ADCY1: variants seen among roughly 807,000 people sequenced by gnomAD.
ADCY1 encodes adenylate cyclase type 1.
Under a neutral mutation model 105.4 loss-of-function variants are expected in ADCY1, and 28 were observed. The observed-to-expected ratio is 0.27, with a 90% CI of 0.20 to 0.36. ADCY1 has a LOEUF of 0.36. Ranked by LOEUF, ADCY1 falls within the 10% of genes least tolerant of loss-of-function variation. The pLI is 1.00. For synonymous variants in ADCY1, 655 were observed against 623.8 expected (o/e 1.05, Z -0.75); for missense variants, 977 against 1,434.2 (o/e 0.68, Z 5.15).
chr7:45,587,248 G>A (rs1370657624), intron 1 of ADCY1, among the ~76,000 whole-genome samples: 4 of 152,232 alleles, frequency 2.6e-5, no homozygotes, highest in African/African-American at 9.6e-5. Flanking sequence ...GCCCAGAGCT[G>A]TGGCATGGCC....
intron 5 of ADCY1, among the ~76,000 whole-genome samples, chr7:45,649,041 C>T (rs529823788): frequency 6.6e-6 from 1 of 152,152 alleles, no homozygotes; most frequent in African/African-American, 2.4e-5. Context: ...TTTCTTTGTC[C>T]ACAGGAATCC....
rs149920838 is a variant in ADCY1 at position 45,605,883 on chromosome 7, G to A, written c.790-4496G>A. On this transcript the variant is annotated intron_variant, in intron 2 of 19. Transcript: ENST00000297323. ...TCTAGTTCTTGGTATGATGAGTGAT[G>A]GTTCACTGGAACCTAGGCATTTGGA... is the stretch of plus-strand genomic sequence containing the variant. Among the ~76,000 whole-genome samples the A allele has an allele frequency of 3.7e-4, 56 of 152,182 alleles. No homozygotes were observed. The East Asian group carries it at 9.3e-3, about 25-fold the overall frequency.
chr7:45,668,489 A>G (rs1784305774), intron 8 of ADCY1, among the ~76,000 whole-genome samples: 1 of 152,178 alleles, frequency 6.6e-6, no homozygotes, highest in Non-Finnish European at 1.5e-5. Flanking sequence ...CCACTTGATC[A>G]TGGTGGATAA....
intron 2 of ADCY1, among the ~76,000 whole-genome samples, chr7:45,596,486 G>C (rs574280703): frequency 6.6e-6 from 1 of 152,276 alleles, no homozygotes; most frequent in East Asian, 1.9e-4. Context: ...GGTCCTAAGA[G>C]GGGATCTGGG....
rs143386069 is a variant in ADCY1, at chr7:45,577,532, C to T, written c.639+2350C>T. On this transcript the variant is annotated intron_variant, in intron 1 of 19. Coordinates refer to ENST00000297323, the MANE Select transcript of ADCY1 (RefSeq NM_021116.4). ...ACACAGCATTGATGTTTCTGCTGCT[C>T]TTCACTGCTTTACCATCCACTTTCT... Among the ~76,000 whole-genome samples the T allele has an allele frequency of 3.9e-4, 59 of 152,340 alleles. No homozygotes were observed. In the East Asian group the frequency reaches 0.011, roughly 27 times the overall value.
chr7:45,679,566 A>C, intron 10 of ADCY1, 143 bp from the exon 11 acceptor site: 1 of 768,430 alleles, frequency 1.3e-6, no homozygotes, highest in Non-Finnish European at 2.2e-6. Flanking sequence ...CAGAGACCTG[A>C]GTGGCAGGCA....
intron 8 of ADCY1, among the ~76,000 whole-genome samples, chr7:45,666,383 G>A (rs1784256274): frequency 1.3e-5 from 2 of 152,138 alleles, no homozygotes; most frequent in Admixed American, 1.3e-4. Context: ...AGAACATGCG[G>A]TGTTTGGTTT....
intron 5 of ADCY1, among the ~76,000 whole-genome samples, chr7:45,657,093 G>A (rs1052680564): frequency 6.6e-6 from 1 of 152,172 alleles, no homozygotes; most frequent in Non-Finnish European, 1.5e-5. Flanking sequence ...AATACCCCTT[G>A]CCATACTCTG....
chr7:45,709,324 C>G (rs1304045255), intron 18 of ADCY1, among the ~76,000 whole-genome samples: 5 of 152,222 alleles, frequency 3.3e-5, no homozygotes. Flanking sequence ...CTGCTCCTCA[C>G]TTTCCAATGA....
In ADCY1 at chr7:45,574,712, G is replaced by A; in HGVS notation, c.169G>A (p.Glu57Lys). ...ALFRGYTLRL[E>K]QAATLKALAV... ...GTTCCGCGGCTACACGCTGCGGCTG[G>A]AGCAGGCGGCCACGCTGAAGGCGCT... The change falls in exon 1 of 20, where the codon GAG becomes AAG. Residue 57 changes from glutamate (E) to lysine (K), a missense_variant. By Grantham distance (56) the Glu-to-Lys change is moderately conservative. Coordinates refer to ENST00000297323, the MANE Select transcript of ADCY1 (RefSeq NM_021116.4). This position sits in a 1 kb window ranked among gnomAD's most constrained non-coding sequence, Gnocchi z 7.0. The A allele has an allele frequency of 7.1e-7, 1 of 1,409,770 alleles. No individual in the cohort carries two copies. Among genetic ancestry groups the A allele is most frequent in the Non-Finnish European group, 9.2e-7 (1 of 1,088,546 alleles). The allele number at this position is 1,409,770 out of a possible 1,614,324, so 87.3% of individuals were successfully genotyped here. A position where few individuals can be genotyped will look rare whatever the true frequency, so the allele number is the denominator to read the frequency against.
chr7:45,574,533 AT>A lies in ADCY1; in HGVS notation c.-10del. On this transcript the variant is annotated 5_prime_UTR_variant, in exon 1 of 20. An upstream start codon of the reference 5' UTR is lost. Transcript: ENST00000297323. The surrounding 1 kb of genome is among the most constrained non-coding windows in gnomAD (Gnocchi z 7.0). ...GCGCGCCCGCGGCCGCGGCCGCTGCATGGCGCTGAGATGGCGGGGGCGCCGC... is the reference window on the plus strand; with the variant it reads ...GCGCGCCCGCGGCCGCGGCCGCTGCAGGCGCTGAGATGGCGGGGGCGCCGC... 1 of 968,366 alleles carries A rather than the reference AT, an allele frequency of 1.0e-6. No individual in the cohort carries two copies. Among genetic ancestry groups the A allele is most frequent in the Non-Finnish European group, 1.2e-6 (1 of 822,698 alleles). 60.0% of individuals were successfully genotyped at this position (968,366 alleles called of 1,614,324 possible).
chr7:45,682,022 G>T (rs1584328371), intron 11 of ADCY1, among the ~76,000 whole-genome samples: 1 of 152,158 alleles, frequency 6.6e-6, no homozygotes, highest in Non-Finnish European at 1.5e-5. Flanking sequence ...TCAACTCCAG[G>T]CTTGGGCTCC....
intron 3 of ADCY1, among the ~76,000 whole-genome samples, chr7:45,611,787 C>CAGGT: frequency 6.6e-6 from 1 of 152,230 alleles, no homozygotes; most frequent in Middle Eastern, 3.4e-3. Context: ...AAATATCACT[C>CAGGT]AGGTAGGAGA....
intron 4 of ADCY1, among the ~76,000 whole-genome samples, chr7:45,644,086 A>G (rs1295894671): frequency 6.6e-6 from 1 of 152,216 alleles, no homozygotes; most frequent in Non-Finnish European, 1.5e-5. Flanking sequence ...GGACTTGGCC[A>G]GTTTGGGTTT....
At chr7:45,627,391 C>T (rs1794092075) in intron 4 of ADCY1, among the ~76,000 whole-genome samples, 1 of 152,208 alleles carries the variant, frequency 6.6e-6, no homozygotes, top group African/African-American at 2.4e-5. Flanking sequence ...CCAGCTAACC[C>T]TACTCATTCA....
At chr7:45,696,266 G>A (rs959677265) in intron 14 of ADCY1, among the ~76,000 whole-genome samples, 1 of 151,784 alleles carries the variant, frequency 6.6e-6, no homozygotes, top group Non-Finnish European at 1.5e-5. Context: ...GTGAAATCCC[G>A]TCTCTACTAA....
intron 1 of ADCY1, among the ~76,000 whole-genome samples, chr7:45,582,988 G>T (rs914738980): frequency 6.6e-6 from 1 of 152,214 alleles, no homozygotes; most frequent in Non-Finnish European, 1.5e-5. Context: ...AGGCTTTAGT[G>T]TTCGCTCTGC....
At chr7:45,590,156 C>T (rs1792867913) in intron 1 of ADCY1, among the ~76,000 whole-genome samples, 1 of 152,162 alleles carries the variant, frequency 6.6e-6, no homozygotes, top group African/African-American at 2.4e-5. Flanking sequence ...CGGAACAGCT[C>T]TGATGCAAAC....
At chr7:45,664,548 A>G (rs1795218787) in intron 8 of ADCY1, 2 of 1,326,142 alleles carry the variant, frequency 1.5e-6, no homozygotes, top group South Asian at 2.0e-5. Flanking sequence ...TGCACAAGGG[A>G]GAAAATGAAA....
Sources: allele counts gnomAD v4.1 joint callset (sites outside exome capture counted in the v4.1 genomes callset), GRCh38; gene constraint gnomAD v4.1.1; non-coding constraint Gnocchi (gnomAD v3.1); transcripts MANE v1.5; gene names NCBI Gene and HGNC (gene_info 2026-07-23, HGNC 2026-07-21).